Variants in ZHX2 observed in about 807,000 individuals in gnomAD.
ZHX2 encodes the protein zinc fingers and homeoboxes 2, also known as zinc fingers and homeoboxes protein 2.
Under a neutral mutation model 21.9 loss-of-function variants are expected in ZHX2, and 6 were observed. The ratio of observed to expected loss-of-function variants is 0.27; its 90% CI spans 0.15 to 0.54. ZHX2 has a LOEUF of 0.54. Among genes scored for constraint, ZHX2 ranks in the 20% least tolerant of loss-of-function variants. The pLI, the probability that ZHX2 is intolerant of heterozygous loss-of-function variation, is 0.95. For synonymous variants in ZHX2, 434 were observed against 437.1 expected, an observed-to-expected ratio of 0.99 and a Z score of 0.09; for missense variants, 908 against 1,090.7, an observed-to-expected ratio of 0.83 and a Z score of 2.36.
At position 122,883,925 on chromosome 8, in the gene ZHX2, T is replaced by A. The variant is rs553295172; in HGVS notation, c.-220+20386T>A. 3.3e-5 allele frequency among the ~76,000 whole-genome samples: 5 copies of A among 152,364 alleles called. No homozygotes were observed. In the South Asian group the frequency reaches 1.0e-3, roughly 32 times the overall value. ...CATGTGTGTATTTTGTGTGTAGTCA[T>A]GTGCCATGTAATGACGGGAATACGC... On this transcript the variant is annotated intron_variant, in intron 2 of 3. Transcript: ENST00000314393.
At chr8:122,913,865 G>A (rs1048620651) in intron 2 of ZHX2, among the ~76,000 whole-genome samples, 3 of 152,174 alleles carry the variant, frequency 2.0e-5, no homozygotes, top group African/African-American at 7.2e-5. Context: ...TAGAGAGGGG[G>A]ATGTGTACCC....
chr8:122,950,605 A>G (rs377132215), intron 2 of ZHX2, among the ~76,000 whole-genome samples: 1 of 152,166 alleles, frequency 6.6e-6, no homozygotes, highest in Non-Finnish European at 1.5e-5. Flanking sequence ...AAAAAGTCCA[A>G]TGGCTGAACG....
intron 3 of ZHX2, among the ~76,000 whole-genome samples, chr8:122,957,777 G>C (rs1156499066): frequency 6.6e-6 from 1 of 152,084 alleles, no homozygotes; most frequent in Non-Finnish European, 1.5e-5. Flanking sequence ...CACCATTGGA[G>C]TTCCATGGTA....
chr8:122,915,171 G>A (rs1427625535), intron 2 of ZHX2, among the ~76,000 whole-genome samples: 2 of 152,158 alleles, frequency 1.3e-5, no homozygotes, highest in Admixed American at 6.5e-5. Flanking sequence ...CCCAGAGCAG[G>A]AAGGGGCCAT....
intron 1 of ZHX2, among the ~76,000 whole-genome samples, chr8:122,797,749 G>C (rs1817639268): frequency 6.6e-6 from 1 of 152,050 alleles, no homozygotes; most frequent in African/African-American, 2.4e-5. Context: ...CAGCCTATTT[G>C]CCTTTCTTAC....
At chr8:122,971,620 A>AATAAAAAATAAAAAAT (rs773947648) in intron 3 of ZHX2, among the ~76,000 whole-genome samples, 33 of 149,806 alleles carry the variant, frequency 2.2e-4, no homozygotes, top group Admixed American at 1.9e-3. Flanking sequence ...ACAAAAAAAA[A>AATAAAAAATAAAAAAT]AAAAAAAAAA....
chr8:122,831,369 G>A (rs1338045631), intron 1 of ZHX2, among the ~76,000 whole-genome samples: 1 of 152,176 alleles, frequency 6.6e-6, no homozygotes, highest in Admixed American at 6.5e-5. Flanking sequence ...GAAAGGTGAG[G>A]ACAAGTGAGG....
In ZHX2 at chr8:122,974,448, A is replaced by G. The variant is rs370311035; in HGVS notation, c.*1211A>G. On this transcript the variant is annotated 3_prime_UTR_variant, in exon 4 of 4. Transcript: ENST00000314393. ...ACGCTAGGAAGTTTGAATAAAACCA[A>G]TTTTTCTAACTTGTTGCTCATTTGT... 14 of 152,082 alleles carry G rather than the reference A, an allele frequency of 9.2e-5. No homozygotes were observed. The South Asian group carries it at 1.0e-3, about 11-fold the overall frequency. 9.4% of individuals were successfully genotyped at this position (152,082 alleles called of 1,614,324 possible).
chr8:122,961,770 T>C (rs918474505), intron 3 of ZHX2, among the ~76,000 whole-genome samples: 4 of 152,124 alleles, frequency 2.6e-5, no homozygotes, highest in African/African-American at 9.7e-5. Context: ...GTCTCTCCCT[T>C]GACACATGGG....
intron 2 of ZHX2, among the ~76,000 whole-genome samples, chr8:122,948,954 A>G (rs4871330): frequency 0.014 from 2,159 of 152,382 alleles, 46 homozygotes; most frequent in Admixed American, 0.057. Context: ...AGAGAAAAAA[A>G]TTGGTAAATC....
intron 3 of ZHX2, among the ~76,000 whole-genome samples, chr8:122,962,616 CTTCT>C (rs781335021): frequency 5.9e-5 from 9 of 152,244 alleles, no homozygotes; most frequent in Non-Finnish European, 1.3e-4. Context: ...CATATAATGA[CTTCT>C]TTGTCTCTGG....
Position 122,869,053 on chromosome 8 carries a change from C to T in ZHX2, c.-220+5514C>T, listed in dbSNP as rs564817029. Among the ~76,000 whole-genome samples the T allele has an allele frequency of 3.3e-5, 5 of 152,274 alleles. No individual in the cohort carries two copies. The East Asian group carries it at 9.7e-4, about 29-fold the overall frequency. On this transcript the variant is annotated intron_variant, in intron 2 of 3. Coordinates refer to ENST00000314393, the MANE Select transcript of ZHX2 (RefSeq NM_014943.5). ...TCTAGCCACCCTGAGCATCAGCCTC[C>T]AGTCCTCTCTGGCCTGCAACCTGGT... is the stretch of plus-strand genomic sequence containing the variant.
At chr8:122,939,233 T>C (rs1812781416) in intron 2 of ZHX2, among the ~76,000 whole-genome samples, 1 of 152,192 alleles carries the variant, frequency 6.6e-6, no homozygotes, top group South Asian at 2.1e-4. Flanking sequence ...GGCTGAGGCT[T>C]CAAAGGATTG....
rs548181316 is a variant in ZHX2 at position 122,891,688 on chromosome 8, G to C, written c.-220+28149G>C. Among the ~76,000 whole-genome samples, 10 of 152,178 alleles carry C rather than the reference G, an allele frequency of 6.6e-5. No homozygotes were observed. The South Asian group carries it at 8.3e-4, about 13-fold the overall frequency. On this transcript the variant is annotated intron_variant, in intron 2 of 3. Coordinates refer to ENST00000314393, the MANE Select transcript of ZHX2 (RefSeq NM_014943.5). ...TCTTAACCTCTTCATTGAACCAGTGGTCATTTAGGAACATGTAGTTTAATT... is the reference window on the plus strand; with the variant it reads ...TCTTAACCTCTTCATTGAACCAGTGCTCATTTAGGAACATGTAGTTTAATT...
rs1299377177 is a variant in ZHX2 at position 122,853,766 on chromosome 8, GC to G, written c.-282-9708del. On this transcript the variant is annotated intron_variant, in intron 1 of 3. Transcript: ENST00000314393. ...CTCCTCCCACCCACTATCTCCCCAT[GC>G]CCTTTTCCCCACCCCACTGTCACCC... Among the ~76,000 whole-genome samples the G allele has an allele frequency of 5.9e-5, 9 of 151,798 alleles. No homozygotes were observed. The South Asian group carries it at 1.9e-3, about 32-fold the overall frequency.
At chr8:122,886,895 G>A (rs542254689) in intron 2 of ZHX2, among the ~76,000 whole-genome samples, 1 of 152,252 alleles carries the variant, frequency 6.6e-6, no homozygotes, top group South Asian at 2.1e-4. Flanking sequence ...TGCCCTACAA[G>A]CAAGGCCCTA....
chr8:122,859,709 C>T (rs781593657), intron 1 of ZHX2, among the ~76,000 whole-genome samples: 2 of 152,068 alleles, frequency 1.3e-5, no homozygotes, highest in African/African-American at 4.8e-5. Flanking sequence ...GTTAGCTGTC[C>T]CTGTCTTGCA....
chr8:122,887,312 A>C (rs201972154), intron 2 of ZHX2, among the ~76,000 whole-genome samples: 2 of 151,576 alleles, frequency 1.3e-5, no homozygotes, highest in Non-Finnish European at 2.9e-5. Context: ...TCAGGAGTTC[A>C]AGACCAGCCT....
chr8:122,947,740 G>A (rs900134625), intron 2 of ZHX2, among the ~76,000 whole-genome samples: 4 of 152,192 alleles, frequency 2.6e-5, no homozygotes, highest in East Asian at 1.9e-4. Context: ...GGCGGTTCTC[G>A]GGGTGGGATG....
Sources: gnomAD v4.1 joint callset for allele counts (sites outside exome capture counted in the v4.1 genomes callset) on GRCh38, gnomAD v4.1.1 for gene constraint, MANE v1.5 for transcripts, NCBI Gene and HGNC (gene_info 2026-07-23, HGNC 2026-07-21) for gene names.